IMMP2L: variants seen among roughly 807,000 people sequenced by gnomAD.
The protein encoded by IMMP2L is mitochondrial inner membrane protease subunit 2.
In IMMP2L, 18 loss-of-function variants were observed where a neutral mutation model predicts 19.3. That is an observed-to-expected ratio of 0.93 (90% CI 0.64 to 1.38). The LOEUF (loss-of-function observed/expected upper bound fraction) is 1.38. IMMP2L is among the 40% of genes most tolerant of loss of function. The probability of loss-of-function intolerance (pLI) is 0.00; values close to 1 mark genes in which losing one functional copy is unlikely to be tolerated. For missense variants in IMMP2L, 233 were observed against 218.2 expected, an observed-to-expected ratio of 1.07 and a Z score of -0.43; for synonymous variants, 76 against 73.0, an observed-to-expected ratio of 1.04 and a Z score of -0.21.
At chr7:111,295,345 G>A (rs1821513167) in intron 3 of IMMP2L, among the ~76,000 whole-genome samples, 1 of 151,802 alleles carries the variant, frequency 6.6e-6, no homozygotes, top group Non-Finnish European at 1.5e-5. Context: ...GAGATAAAAG[G>A]GTGGTAAGTT....
chr7:111,484,941 C>G (rs1842502142), intron 3 of IMMP2L, among the ~76,000 whole-genome samples: 1 of 152,028 alleles, frequency 6.6e-6, no homozygotes, highest in Non-Finnish European at 1.5e-5. Flanking sequence ...GCACGCATCA[C>G]CAAACCCGGC....
At chr7:111,356,865 A>G (rs552069578) in intron 3 of IMMP2L, among the ~76,000 whole-genome samples, 2 of 152,184 alleles carry the variant, frequency 1.3e-5, no homozygotes, top group East Asian at 1.9e-4. Context: ...TATCTCCACT[A>G]AAAATACAAA....
At chr7:111,030,880 GTGTGTA>G (rs1343595648) in intron 3 of IMMP2L, among the ~76,000 whole-genome samples, 1 of 17,182 alleles carries the variant, frequency 5.8e-5, no homozygotes, top group African/African-American at 2.5e-4. Flanking sequence ...GTGTGTGTGT[GTGTGTA>G]TATATATATA....
intron 3 of IMMP2L, among the ~76,000 whole-genome samples, chr7:111,337,923 G>T (rs952144526): frequency 6.6e-6 from 1 of 152,004 alleles, no homozygotes; most frequent in South Asian, 2.1e-4. Flanking sequence ...CCTCTATGAG[G>T]TTTACCAGAG....
chr7:111,533,784 G>A (rs1847620385), intron 1 of IMMP2L, among the ~76,000 whole-genome samples: 1 of 151,932 alleles, frequency 6.6e-6, no homozygotes, highest in Non-Finnish European at 1.5e-5. Flanking sequence ...AGTCTTTTAA[G>A]GGTAGAAAGA....
chr7:110,969,908 A>G (rs1819959543), intron 3 of IMMP2L, among the ~76,000 whole-genome samples: 1 of 152,170 alleles, frequency 6.6e-6, no homozygotes. Flanking sequence ...TTTCAGATTT[A>G]TCTTCTACAA....
At chr7:111,071,388 A>G (rs1410073070) in intron 3 of IMMP2L, among the ~76,000 whole-genome samples, 1 of 152,194 alleles carries the variant, frequency 6.6e-6, no homozygotes, top group Admixed American at 6.5e-5. Context: ...ATTCCTAGGT[A>G]CGTATACCCT....
chr7:111,003,197 A>G (rs1009986237), intron 3 of IMMP2L, among the ~76,000 whole-genome samples: 4 of 152,286 alleles, frequency 2.6e-5, no homozygotes, highest in East Asian at 3.9e-4. Context: ...GTTATTACTA[A>G]TAATTTGCTT....
chr7:110,833,397 C>T (rs1804144624), intron 5 of IMMP2L, among the ~76,000 whole-genome samples: 1 of 148,136 alleles, frequency 6.8e-6, no homozygotes, highest in Admixed American at 6.8e-5. Flanking sequence ...CAAGATTGTG[C>T]CATTTCACTC....
intron 5 of IMMP2L, among the ~76,000 whole-genome samples, chr7:110,817,266 T>A (rs199936069): frequency 1.3e-5 from 2 of 152,238 alleles, no homozygotes; most frequent in East Asian, 3.9e-4. Flanking sequence ...CAGCAAAGTC[T>A]CAGGATACAA....
At chr7:111,022,598 T>C (rs1826398914) in intron 3 of IMMP2L, among the ~76,000 whole-genome samples, 1 of 152,190 alleles carries the variant, frequency 6.6e-6, no homozygotes, top group African/African-American at 2.4e-5. Flanking sequence ...TGGACATGTG[T>C]AATACCCCTT....
At chr7:111,175,547 T>C (rs1469856500) in intron 3 of IMMP2L, among the ~76,000 whole-genome samples, 1 of 151,562 alleles carries the variant, frequency 6.6e-6, no homozygotes, top group East Asian at 1.9e-4. Flanking sequence ...ATAAATTTTA[T>C]CTACAATGTG....
intron 3 of IMMP2L, among the ~76,000 whole-genome samples, chr7:111,225,202 G>A (rs1221278833): frequency 6.6e-6 from 1 of 152,060 alleles, no homozygotes; most frequent in East Asian, 1.9e-4. Context: ...ACAACTGACA[G>A]TATTCATTAC....
chr7:110,965,769 T>A (rs1819476471), intron 3 of IMMP2L, among the ~76,000 whole-genome samples: 1 of 151,936 alleles, frequency 6.6e-6, no homozygotes, highest in Admixed American at 6.6e-5. Context: ...TTAAAACACT[T>A]TCTTACTATA....
At chr7:111,538,633 TAA>T (rs34613701) in intron 1 of IMMP2L, among the ~76,000 whole-genome samples, 23 of 97,176 alleles carry the variant, frequency 2.4e-4, no homozygotes, top group Admixed American at 4.4e-4. Flanking sequence ...ACCCTGTCTC[TAA>T]AAAAAAAAAA....
At chr7:110,994,239 G>T (rs1822802276) in intron 3 of IMMP2L, among the ~76,000 whole-genome samples, 1 of 151,182 alleles carries the variant, frequency 6.6e-6, no homozygotes, top group Non-Finnish European at 1.5e-5. Flanking sequence ...GCTTTCTCTT[G>T]ATTTCACACA....
rs1811508212 is a variant in IMMP2L, at chr7:111,213,102, C to T, written c.240-249537G>A. On this transcript the variant is annotated intron_variant, in intron 3 of 5. Coordinates refer to ENST00000405709, the MANE Select transcript of IMMP2L (RefSeq NM_032549.4). The surrounding 1 kb of genome is among the most constrained non-coding windows in gnomAD (Gnocchi z 4.8). ...GGCTCCAAACCCAGGCATTTCTACA[C>T]TCTTGGAGGCCAGGAAAGGCCCCCT... Among the ~76,000 whole-genome samples the T allele has an allele frequency of 6.6e-6, 1 of 152,368 alleles. No individual in the cohort carries two copies. Among genetic ancestry groups the T allele is most frequent in the South Asian group, 2.1e-4 (1 of 4,824 alleles).
chr7:111,203,360 G>GA (rs963403238), intron 3 of IMMP2L, among the ~76,000 whole-genome samples: 25 of 150,158 alleles, frequency 1.7e-4, no homozygotes, highest in South Asian at 8.4e-4. Context: ...GAAACAAACA[G>GA]AAAAAAAAAT....
chr7:110,944,816 C>A (rs1394020842), intron 4 of IMMP2L, among the ~76,000 whole-genome samples: 2 of 151,908 alleles, frequency 1.3e-5, no homozygotes, highest in Admixed American at 1.3e-4. Flanking sequence ...ACATATAGAT[C>A]CTTTTCTCTT....
Sources: allele counts gnomAD v4.1 joint callset (sites outside exome capture counted in the v4.1 genomes callset), GRCh38; gene constraint gnomAD v4.1.1; non-coding constraint Gnocchi (gnomAD v3.1); transcripts MANE v1.5; gene names NCBI Gene and HGNC (gene_info 2026-07-23, HGNC 2026-07-21).